Variants in KIRREL3 observed in about 807,000 individuals in gnomAD.
The protein encoded by KIRREL3 is kin of IRRE-like protein 3.
A neutral mutation model predicts 89.7 loss-of-function variants in KIRREL3; 36 were observed. That is an observed-to-expected ratio of 0.40 (90% CI 0.31 to 0.53). KIRREL3 has a LOEUF of 0.53. KIRREL3 is among the 20% of genes least tolerant of loss of function. The pLI, the probability that KIRREL3 is intolerant of heterozygous loss-of-function variation, is 0.49. For missense variants in KIRREL3, 864 were observed against 1,056.6 expected (o/e 0.82, Z 2.53); for synonymous variants, 445 against 441.4 (o/e 1.01, Z -0.10).
chr11:126,859,882 A>G (rs1944651601), intron 1 of KIRREL3, among the ~76,000 whole-genome samples: 1 of 152,176 alleles, frequency 6.6e-6, no homozygotes, highest in Non-Finnish European at 1.5e-5. Flanking sequence ...GGCCATGGCA[A>G]CATATCACTC....
intron 1 of KIRREL3, among the ~76,000 whole-genome samples, chr11:126,680,431 C>A (rs2135097282): frequency 6.7e-6 from 1 of 149,836 alleles, no homozygotes; most frequent in African/African-American, 2.5e-5. Context: ...TAGCCAGCAG[C>A]CAACAGAGGG....
At chr11:126,659,592 A>T (rs1945302403) in intron 1 of KIRREL3, among the ~76,000 whole-genome samples, 1 of 152,162 alleles carries the variant, frequency 6.6e-6, no homozygotes, top group Admixed American at 6.5e-5. Context: ...TTGGACAAAA[A>T]AGAGTGGTTT....
At chr11:126,548,336 C>T (rs1021020334) in intron 2 of KIRREL3, among the ~76,000 whole-genome samples, 2 of 152,232 alleles carry the variant, frequency 1.3e-5, no homozygotes, top group Admixed American at 6.5e-5. Flanking sequence ...TGGACCCCTT[C>T]TCTTGAGGGC....
intron 1 of KIRREL3, among the ~76,000 whole-genome samples, chr11:126,922,314 T>C (rs1947383595): frequency 6.6e-6 from 1 of 152,078 alleles, no homozygotes; most frequent in East Asian, 1.9e-4. Context: ...TCATCCATTC[T>C]CCATGAAGGC....
intron 1 of KIRREL3, among the ~76,000 whole-genome samples, chr11:126,596,560 T>TGCATTGAG (rs1942406320): frequency 1.3e-5 from 2 of 152,248 alleles, no homozygotes; most frequent in Admixed American, 6.5e-5. Context: ...GTTTCTTAGC[T>TGCATTGAG]GCATTGAGTT....
At chr11:126,542,175 C>G (rs1309481214) in intron 2 of KIRREL3, among the ~76,000 whole-genome samples, 1 of 152,220 alleles carries the variant, frequency 6.6e-6, no homozygotes, top group Non-Finnish European at 1.5e-5. Flanking sequence ...GCAGGCTGGT[C>G]TGAAGCACGA....
At chr11:126,923,129 C>CTCCTCCTCCTTCT (rs1246765425) in intron 1 of KIRREL3, among the ~76,000 whole-genome samples, 8 of 25,732 alleles carry the variant, frequency 3.1e-4, no homozygotes, top group Non-Finnish European at 6.2e-4. Flanking sequence ...TCTCCTTCTT[C>CTCCTCCTCCTTCT]TCTTCTTCTT....
At chr11:126,548,484 C>G (rs893328023) in intron 2 of KIRREL3, among the ~76,000 whole-genome samples, 1 of 152,232 alleles carries the variant, frequency 6.6e-6, no homozygotes, top group Non-Finnish European at 1.5e-5. Flanking sequence ...CTTGGGTGCC[C>G]TAGCTGTGAG....
At position 126,897,955 on chromosome 11, in the gene KIRREL3, G is replaced by C. The variant is rs1006145331; in HGVS notation, c.55+102500C>G. On this transcript the variant is annotated intron_variant, in intron 1 of 16. Coordinates refer to ENST00000525144, the MANE Select transcript of KIRREL3 (RefSeq NM_032531.4). The surrounding 1 kb of genome is among the most constrained non-coding windows in gnomAD (Gnocchi z 4.2). ...GCCTCTGCTTGGGAAGGGGGAGTGGGTGGGAGCTTGGACTGTCCACACTGG... is the reference window on the plus strand; with the variant it reads ...GCCTCTGCTTGGGAAGGGGGAGTGGCTGGGAGCTTGGACTGTCCACACTGG... Among the ~76,000 whole-genome samples the C allele has an allele frequency of 3.0e-4, 45 of 152,166 alleles. No homozygotes were observed. Among genetic ancestry groups the C allele is most frequent in the African/African-American group, 9.2e-4 (38 of 41,426 alleles).
In KIRREL3 at chr11:126,863,875, G is replaced by T. The variant is rs149867260; in HGVS notation, c.55+136580C>A. On this transcript the variant is annotated intron_variant, in intron 1 of 16. Coordinates refer to ENST00000525144, the MANE Select transcript of KIRREL3 (RefSeq NM_032531.4). ...CCGTGCCAAAGCTCACACAACAAAG[G>T]TAGGCTGCAGGTCTTGCCTGGCTGC... 9.2e-5 allele frequency among the ~76,000 whole-genome samples: 14 copies of T among 152,280 alleles called. No individual in the cohort carries two copies. In the East Asian group the frequency reaches 2.5e-3, roughly 27 times the overall value.
chr11:126,671,674 C>A (rs1591927805), intron 1 of KIRREL3, among the ~76,000 whole-genome samples: 1 of 152,154 alleles, frequency 6.6e-6, no homozygotes, highest in African/African-American at 2.4e-5. Flanking sequence ...AGAAACATAT[C>A]AAAAGATGAT....
chr11:126,425,837 C>G (rs1456433379), intron 15 of KIRREL3, 113 bp from the exon 16 acceptor site: 2 of 765,960 alleles, frequency 2.6e-6, no homozygotes, highest in Non-Finnish European at 4.3e-6. Flanking sequence ...CCCCCACCAC[C>G]CCTCACTGCC....
intron 1 of KIRREL3, among the ~76,000 whole-genome samples, chr11:126,625,582 TA>T (rs1195634227): frequency 6.6e-6 from 1 of 152,186 alleles, no homozygotes; most frequent in East Asian, 1.9e-4. Flanking sequence ...GCTGACAGGA[TA>T]AACTCCTTGC....
intron 1 of KIRREL3, among the ~76,000 whole-genome samples, chr11:126,759,301 T>C (rs1949599683): frequency 6.6e-6 from 1 of 152,128 alleles, no homozygotes; most frequent in Non-Finnish European, 1.5e-5. Context: ...GGCTAATCTT[T>C]GTATTTTTAG....
chr11:126,562,775 G>C lies in KIRREL3; in HGVS notation c.133+60C>G. ...TTCCTGGTTCCTCTGTCCTGTGGCT[G>C]TAGGGGAGAGCTTCCTCCCTCCAGA... On this transcript the variant is annotated intron_variant, in intron 2 of 16. Coordinates refer to ENST00000525144, the MANE Select transcript of KIRREL3 (RefSeq NM_032531.4). This position sits in a 1 kb window ranked among gnomAD's most constrained non-coding sequence, Gnocchi z 4.7. 2 of 1,398,376 alleles carry C rather than the reference G, an allele frequency of 1.4e-6. No individual in the cohort carries two copies. The highest frequency in any genetic ancestry group is 1.2e-5 in the South Asian group (1 of 85,982). 86.6% of individuals were successfully genotyped at this position (1,398,376 alleles called of 1,614,324 possible).
intron 7 of KIRREL3, among the ~76,000 whole-genome samples, chr11:126,452,460 G>A (rs897865549): frequency 6.6e-6 from 1 of 152,250 alleles, no homozygotes; most frequent in East Asian, 1.9e-4. Flanking sequence ...AGCTGGCTGG[G>A]CTGGGAAGGC....
At chr11:126,984,829 C>A (rs1037115153) in intron 1 of KIRREL3, among the ~76,000 whole-genome samples, 5 of 152,224 alleles carry the variant, frequency 3.3e-5, no homozygotes, top group African/African-American at 1.2e-4. Context: ...TAAGCACATA[C>A]TCTTCGGGGG....
At chr11:126,825,237 T>C (rs915636873) in intron 1 of KIRREL3, among the ~76,000 whole-genome samples, 1 of 152,204 alleles carries the variant, frequency 6.6e-6, no homozygotes, top group African/African-American at 2.4e-5. Flanking sequence ...TTATGCTTCA[T>C]GTCTGTGCAC....
At chr11:126,693,282 G>T (rs1025978001) in intron 1 of KIRREL3, among the ~76,000 whole-genome samples, 2 of 152,152 alleles carry the variant, frequency 1.3e-5, no homozygotes, top group South Asian at 4.1e-4. Flanking sequence ...TTAGCCGGGC[G>T]TGGTGGCGCG....
Sources: gnomAD v4.1 joint callset for allele counts (sites outside exome capture counted in the v4.1 genomes callset) on GRCh38, gnomAD v4.1.1 for gene constraint, Gnocchi (gnomAD v3.1) non-coding constraint, MANE v1.5 for transcripts, NCBI Gene and HGNC (gene_info 2026-07-23, HGNC 2026-07-21) for gene names.